Variants in TMEM232 observed in about 807,000 individuals in gnomAD.
The protein encoded by TMEM232 is transmembrane protein 232.
Under a neutral mutation model 78.8 loss-of-function variants are expected in TMEM232, and 80 were observed. That is an observed-to-expected ratio of 1.01 (90% CI 0.85 to 1.22). The LOEUF (loss-of-function observed/expected upper bound fraction) is 1.22. Among genes scored for constraint, TMEM232 ranks in the 50% most tolerant of loss-of-function variants. The pLI, the probability that TMEM232 is intolerant of heterozygous loss-of-function variation, is 0.00. For synonymous variants in TMEM232, 297 were observed against 254.3 expected (o/e 1.17, Z -1.60); for missense variants, 881 against 742.2 (o/e 1.19, Z -2.17).
intron 10 of TMEM232, among the ~76,000 whole-genome samples, chr5:110,604,733 G>A (rs1781337174): frequency 6.6e-6 from 1 of 152,114 alleles, no homozygotes; most frequent in African/African-American, 2.4e-5. Flanking sequence ...CAAACGTGGT[G>A]GATCACTTGA....
intron 11 of TMEM232, among the ~76,000 whole-genome samples, chr5:110,551,487 T>G (rs1038172526): frequency 1.3e-5 from 2 of 151,210 alleles, no homozygotes; most frequent in Admixed American, 6.6e-5. Flanking sequence ...CCTCCCAAAG[T>G]GCTGGGATTA....
At chr5:110,493,760 G>T (rs1006797048) in intron 12 of TMEM232, among the ~76,000 whole-genome samples, 1 of 151,030 alleles carries the variant, frequency 6.6e-6, no homozygotes, top group African/African-American at 2.5e-5. Context: ...GTATGAGGAA[G>T]GATTGCTTAA....
At chr5:110,615,095 C>G (rs1275442921) in intron 8 of TMEM232, among the ~76,000 whole-genome samples, 1 of 152,050 alleles carries the variant, frequency 6.6e-6, no homozygotes, top group Non-Finnish European at 1.5e-5. Context: ...TTGATGAACT[C>G]TAATCTAAAG....
chr5:110,399,442 A>C (rs1401812088), intron 2 of TMEM232, among the ~76,000 whole-genome samples: 1 of 152,152 alleles, frequency 6.6e-6, no homozygotes, highest in Non-Finnish European at 1.5e-5. Flanking sequence ...AATATGCTTA[A>C]TCCCTTTGGG....
At chr5:110,669,427 C>G (rs1791067476) in intron 1 of TMEM232, among the ~76,000 whole-genome samples, 1 of 152,032 alleles carries the variant, frequency 6.6e-6, no homozygotes, top group Non-Finnish European at 1.5e-5. Context: ...AAGACTAAAC[C>G]AGGAAGAAGC....
intron 10 of TMEM232, among the ~76,000 whole-genome samples, chr5:110,579,103 A>G (rs1777881443): frequency 6.6e-6 from 1 of 151,810 alleles, no homozygotes; most frequent in African/African-American, 2.4e-5. Context: ...GCAGTGAGAG[A>G]AAAACAACTT....
At chr5:110,456,188 G>A (rs890487779) in intron 12 of TMEM232, among the ~76,000 whole-genome samples, 1 of 152,108 alleles carries the variant, frequency 6.6e-6, no homozygotes, top group Non-Finnish European at 1.5e-5. Flanking sequence ...GGTTAGTTAG[G>A]TACATTAGAA....
At chr5:110,488,414 A>G (rs1371661036) in intron 12 of TMEM232, among the ~76,000 whole-genome samples, 1 of 152,100 alleles carries the variant, frequency 6.6e-6, no homozygotes, top group Admixed American at 6.6e-5. Context: ...AATTAGAAAT[A>G]AATAAAAAAA....
In TMEM232 at chr5:110,606,181, T is replaced by C. The variant is rs1445749373; in HGVS notation, c.1009A>G (p.Met337Val). The C allele has an allele frequency of 1.9e-6, 3 of 1,547,818 alleles. No homozygotes were observed. The highest frequency in any genetic ancestry group is 1.2e-5 in the South Asian group (1 of 83,564). Reference sequence around the variant, plus strand: ...AATGTTACCTGATTTTGAACAGACATAATGCTTGAAACAAAATCTCTCACT... The same window carrying C: ...AATGTTACCTGATTTTGAACAGACACAATGCTTGAAACAAAATCTCTCACT... The part of the protein sequence containing the change: ...DVVRDFVSSI[M>V]SVQNQEESCK... Residue 337 changes from methionine (M) to valine (V), a missense_variant, in exon 9 of 14, where the codon ATG (methionine) becomes GTG (valine). Coordinates refer to ENST00000455884, the MANE Select transcript of TMEM232 (RefSeq NM_001039763.4).
At chr5:110,560,703 G>T (rs889072696) in intron 11 of TMEM232, among the ~76,000 whole-genome samples, 4 of 152,124 alleles carry the variant, frequency 2.6e-5, no homozygotes, top group African/African-American at 9.7e-5. Context: ...AACTATATTT[G>T]TATTACTGAG....
intron 2 of TMEM232, among the ~76,000 whole-genome samples, chr5:110,653,097 T>C (rs1580516978): frequency 1.3e-5 from 2 of 152,188 alleles, no homozygotes; most frequent in East Asian, 3.9e-4. Flanking sequence ...TTTTGCTAGA[T>C]ACCATGAGCG....
At chr5:110,557,518 T>C (rs1348552769) in intron 11 of TMEM232, among the ~76,000 whole-genome samples, 1 of 152,192 alleles carries the variant, frequency 6.6e-6, no homozygotes, top group Non-Finnish European at 1.5e-5. Flanking sequence ...AGAGGTTCAA[T>C]GGGCTCATGG....
intron 11 of TMEM232, among the ~76,000 whole-genome samples, chr5:110,564,637 C>T (rs1049879635): frequency 1.3e-5 from 2 of 151,830 alleles, no homozygotes; most frequent in Non-Finnish European, 2.9e-5. Context: ...AGGCGTGAAC[C>T]CATGCTAACC....
At chr5:110,411,363 T>C (rs1026353954) in intron 2 of TMEM232, among the ~76,000 whole-genome samples, 3 of 152,224 alleles carry the variant, frequency 2.0e-5, no homozygotes, top group Non-Finnish European at 1.5e-5. Context: ...TTCTTCATTT[T>C]TTCCATCAAT....
At chr5:110,456,610 T>G (rs528445987) in intron 12 of TMEM232, among the ~76,000 whole-genome samples, 1 of 152,166 alleles carries the variant, frequency 6.6e-6, no homozygotes, top group Non-Finnish European at 1.5e-5. Context: ...ATAAAAATAC[T>G]ATCTGGTTTC....
intron 11 of TMEM232, among the ~76,000 whole-genome samples, chr5:110,532,663 C>G: frequency 6.6e-6 from 1 of 152,070 alleles, no homozygotes; most frequent in Non-Finnish European, 1.5e-5. Context: ...ACAGCTATAT[C>G]TCATTGCTAC....
At chr5:110,490,173 G>GAAATAAAT (rs1273796204) in intron 12 of TMEM232, among the ~76,000 whole-genome samples, 33 of 126,452 alleles carry the variant, frequency 2.6e-4, no homozygotes, top group African/African-American at 1.1e-3. Context: ...AAGAAAGAAA[G>GAAATAAAT]AAAGAAAGAA....
intron 11 of TMEM232, among the ~76,000 whole-genome samples, chr5:110,550,094 T>G (rs953840904): frequency 2.6e-5 from 4 of 152,130 alleles, no homozygotes; most frequent in Non-Finnish European, 5.9e-5. Flanking sequence ...TAGAGCAATA[T>G]TTACATCTTC....
At chr5:110,538,496 T>A (rs980916587) in intron 11 of TMEM232, among the ~76,000 whole-genome samples, 10 of 152,156 alleles carry the variant, frequency 6.6e-5, no homozygotes, top group African/African-American at 2.2e-4. Flanking sequence ...AGGGCCATAA[T>A]GATAATGCCA....
Sources: allele counts gnomAD v4.1 joint callset (sites outside exome capture counted in the v4.1 genomes callset), GRCh38; gene constraint gnomAD v4.1.1; transcripts MANE v1.5; gene names NCBI Gene and HGNC (gene_info 2026-07-23, HGNC 2026-07-21).